Variants in PPM1H observed in about 807,000 individuals in gnomAD.
PPM1H encodes the protein protein phosphatase 1H.
PPM1H carries 27 observed loss-of-function variants against 54.9 expected under a neutral mutation model. That is an observed-to-expected ratio of 0.49 (90% CI 0.36 to 0.68). PPM1H has a LOEUF of 0.68. PPM1H is among the 30% of genes least tolerant of loss of function. The pLI is 0.00. For synonymous variants in PPM1H, 305 were observed against 270.8 expected, an observed-to-expected ratio of 1.13 and a Z score of -1.24; for missense variants, 596 against 667.8, an observed-to-expected ratio of 0.89 and a Z score of 1.19.
intron 2 of PPM1H, among the ~76,000 whole-genome samples, chr12:62,809,682 G>A (rs1003089126): frequency 1.3e-5 from 2 of 152,134 alleles, no homozygotes; most frequent in East Asian, 1.9e-4. Flanking sequence ...TTGCTTCACT[G>A]CTCAGAATCT....
At position 62,646,298 on chromosome 12, in the gene PPM1H, T is replaced by G. The variant is rs530160378; in HGVS notation, c.*2191A>C. ...ATTGGTGAATTGAGTAGAAGGTAGT[T>G]GTGACATCTACACCCAAATTCTTAC... On this transcript the variant is annotated 3_prime_UTR_variant, in exon 10 of 10. Transcript: ENST00000228705. 1 of 151,172 alleles carries G rather than the reference T, an allele frequency of 6.6e-6. No homozygotes were observed. The highest frequency in any genetic ancestry group is 2.0e-4 in the East Asian group (1 of 5,060). The allele number at this position is 151,172 out of a possible 1,614,324, so 9.4% of individuals were successfully genotyped here.
At chr12:62,883,988 C>T (rs1666904) in intron 1 of PPM1H, among the ~76,000 whole-genome samples, 6 of 151,772 alleles carry the variant, frequency 4.0e-5, no homozygotes, top group Non-Finnish European at 8.8e-5. Context: ...GAGGCCCCTT[C>T]GACAGAGATG....
At position 62,838,564 on chromosome 12, in the gene PPM1H, AAGCATTTGGTAAC is replaced by A. The variant is rs145551911; in HGVS notation, c.246-6298_246-6286del. Among the ~76,000 whole-genome samples, 497 of 151,910 alleles carry A rather than the reference AAGCATTTGGTAAC, an allele frequency of 3.3e-3. 2 individuals are homozygous for A. The highest frequency in any genetic ancestry group is 0.012 in the African/African-American group (476 of 41,224). On this transcript the variant is annotated intron_variant, in intron 1 of 9. Coordinates refer to ENST00000228705, the MANE Select transcript of PPM1H (RefSeq NM_020700.2). ...AAACCACAGCTCTGACCAGGAACCT[AAGCATTTGGTAAC>A]AGCCATCAGCAAATCCAGCTGGATG...
chr12:62,798,637 A>T (rs2076749657), intron 3 of PPM1H, among the ~76,000 whole-genome samples: 1 of 152,290 alleles, frequency 6.6e-6, no homozygotes, highest in African/African-American at 2.4e-5. Context: ...CTTAAAGCTA[A>T]AGGTTCATGA....
At chr12:62,699,278 C>T (rs2076130979) in intron 6 of PPM1H, among the ~76,000 whole-genome samples, 1 of 152,210 alleles carries the variant, frequency 6.6e-6, no homozygotes, top group Admixed American at 6.5e-5. Flanking sequence ...CTCACTGCAA[C>T]CTCTACCTCC....
rs1427326759 is a variant in PPM1H, at chr12:62,730,839, C to G, written c.954+6663G>C. 4.6e-5 allele frequency among the ~76,000 whole-genome samples: 7 copies of G among 152,170 alleles called. No homozygotes were observed. The East Asian group carries it at 1.2e-3, about 25-fold the overall frequency. On this transcript the variant is annotated intron_variant, in intron 5 of 9. Coordinates refer to ENST00000228705, the MANE Select transcript of PPM1H (RefSeq NM_020700.2). ...CAAACCACTGGTGATCACTAACAGT[C>G]ACGCTAACAGTCAAATGAGACAGCT...
chr12:62,768,004 G>A (rs2076554440), intron 4 of PPM1H, among the ~76,000 whole-genome samples: 1 of 152,160 alleles, frequency 6.6e-6, no homozygotes, highest in Non-Finnish European at 1.5e-5. Context: ...TATCTACCAA[G>A]ATCCCATTTC....
chr12:62,735,709 C>G (rs2076346175), intron 5 of PPM1H, among the ~76,000 whole-genome samples: 1 of 152,270 alleles, frequency 6.6e-6, no homozygotes, highest in Admixed American at 6.5e-5. Flanking sequence ...GATCTGGAAG[C>G]TGTGGTACAA....
intron 5 of PPM1H, among the ~76,000 whole-genome samples, chr12:62,734,874 C>A (rs565395130): frequency 5.3e-5 from 8 of 152,190 alleles, no homozygotes; most frequent in South Asian, 4.1e-4. Flanking sequence ...GAGACCCCCC[C>A]ATCTCTACAA....
Position 62,702,330 on chromosome 12 carries a change from T to C in PPM1H, c.1074-8331A>G, listed in dbSNP as rs189788298. On this transcript the variant is annotated intron_variant, in intron 6 of 9. Coordinates refer to ENST00000228705, the MANE Select transcript of PPM1H (RefSeq NM_020700.2). ...TGCCACAGCTATTCACCAGTGTATA[T>C]GGTGTTACCAAGACAATTTTCTAAC... is the stretch of plus-strand genomic sequence containing the variant. 5.3e-3 allele frequency among the ~76,000 whole-genome samples: 802 copies of C among 152,314 alleles called. 2 individuals carry two copies. The highest frequency in any genetic ancestry group is 8.4e-3 in the Non-Finnish European group (573 of 68,034).
chr12:62,679,417 C>G (rs2076006495), intron 8 of PPM1H, among the ~76,000 whole-genome samples: 1 of 152,196 alleles, frequency 6.6e-6, no homozygotes, highest in African/African-American at 2.4e-5. Flanking sequence ...TACAGATATG[C>G]AGGACTGGAG....
intron 8 of PPM1H, among the ~76,000 whole-genome samples, chr12:62,668,661 G>T (rs181970986): frequency 1.3e-5 from 2 of 149,180 alleles, no homozygotes; most frequent in East Asian, 3.9e-4. Flanking sequence ...ACAGGCATGA[G>T]CCACCATGCC....
At chr12:62,700,102 T>C (rs972954829) in intron 6 of PPM1H, among the ~76,000 whole-genome samples, 1 of 152,044 alleles carries the variant, frequency 6.6e-6, no homozygotes, top group Admixed American at 6.6e-5. Context: ...TTCTCCCACC[T>C]GCCCCGATGA....
chr12:62,753,079 T>C lies in PPM1H; in HGVS notation c.870-15493A>G, dbSNP rs150812139. The stretch of plus-strand genomic sequence containing the variant: ...TTTGTGAATAGTCATGTCTATATGC[T>C]AGTTAAATTATAAAATTGAAACAAG... On this transcript the variant is annotated intron_variant, in intron 4 of 9. Coordinates refer to ENST00000228705, the MANE Select transcript of PPM1H (RefSeq NM_020700.2). Among the ~76,000 whole-genome samples, 20 of 152,302 alleles carry C rather than the reference T, an allele frequency of 1.3e-4. No homozygotes were observed. In the East Asian group the frequency reaches 3.9e-3, roughly 29 times the overall value.
chr12:62,695,352 A>T (rs1442098026), intron 6 of PPM1H, among the ~76,000 whole-genome samples: 4 of 152,118 alleles, frequency 2.6e-5, no homozygotes, highest in African/African-American at 9.7e-5. Flanking sequence ...CTCATTAATC[A>T]ATTAGGGCAA....
intron 1 of PPM1H, among the ~76,000 whole-genome samples, chr12:62,923,030 C>T (rs1462512444): frequency 6.6e-6 from 1 of 152,182 alleles, no homozygotes; most frequent in Non-Finnish European, 1.5e-5. Flanking sequence ...GGAAGCTTAT[C>T]AACTGAGTGA....
At position 62,742,396 on chromosome 12, in the gene PPM1H, T is replaced by C. The variant is rs78548238; in HGVS notation, c.870-4810A>G. ...TGATCCTTGGCTTCCTTTTGATCTT[T>C]CTCTCTTTCATCACTCTGATCTTGG... is the stretch of plus-strand genomic sequence containing the variant. On this transcript the variant is annotated intron_variant, in intron 4 of 9. Coordinates refer to ENST00000228705, the MANE Select transcript of PPM1H (RefSeq NM_020700.2). 5.2e-3 allele frequency among the ~76,000 whole-genome samples: 791 copies of C among 152,312 alleles called. 5 individuals are homozygous for C. Among genetic ancestry groups the C allele is most frequent in the African/African-American group, 0.018 (768 of 41,562 alleles).
chr12:62,763,510 C>A (rs2076523320), intron 4 of PPM1H, among the ~76,000 whole-genome samples: 1 of 152,204 alleles, frequency 6.6e-6, no homozygotes, highest in Non-Finnish European at 1.5e-5. Context: ...CTTGACAAAG[C>A]AGGTCAAAGT....
At chr12:62,672,723 G>A (rs2075963514) in intron 8 of PPM1H, among the ~76,000 whole-genome samples, 1 of 152,196 alleles carries the variant, frequency 6.6e-6, no homozygotes. Flanking sequence ...ACCGAAGAAA[G>A]CATTTCCTTA....
Sources: gnomAD v4.1 joint callset for allele counts (sites outside exome capture counted in the v4.1 genomes callset) on GRCh38, gnomAD v4.1.1 for gene constraint, MANE v1.5 for transcripts, NCBI Gene and HGNC (gene_info 2026-07-23, HGNC 2026-07-21) for gene names.